The following NOC2L variants were observed in gnomAD, a reference collection of about 807,000 sequenced individuals.
NOC2L encodes nucleolar complex protein 2 homolog.
NOC2L carries 101 observed loss-of-function variants against 94.2 expected under a neutral mutation model. That is an observed-to-expected ratio of 1.07 (90% CI 0.91 to 1.26). NOC2L has a LOEUF of 1.26. Among genes scored for constraint, NOC2L ranks in the 50% most tolerant of loss-of-function variants. The pLI is 0.00. For synonymous variants in NOC2L, 531 were observed against 413.4 expected (o/e 1.28, Z -3.45); for missense variants, 1,076 against 980.1 (o/e 1.10, Z -1.31).
Position 944,238 on chromosome 1 carries a change from C to A in NOC2L, c.*456G>T. ...GGCCCTGCCTCCCACCGCTTTATTT[C>A]TTTCGGTTTCGGATGCAAAACAAAA... On this transcript the variant is annotated 3_prime_UTR_variant, in exon 19 of 19. Coordinates refer to ENST00000327044, the MANE Select transcript of NOC2L (RefSeq NM_015658.4). The A allele has an allele frequency of 6.9e-7, 1 of 1,455,576 alleles. No homozygotes were observed. The highest frequency in any genetic ancestry group is 9.0e-7 in the Non-Finnish European group (1 of 1,105,022). The allele number at this position is 1,455,576 out of a possible 1,614,324, so 90.2% of individuals were successfully genotyped here.
intron 17 of NOC2L, 54 bp downstream of exon 17, chr1:945,464 C>T: frequency 1.2e-6 from 2 of 1,601,904 alleles, no homozygotes; most frequent in Non-Finnish European, 1.7e-6. Flanking sequence ...TCTGGGAAGT[C>T]CAGCAGAGCC....
chr1:946,387 C>G lies in NOC2L; in HGVS notation c.1803+15G>C, dbSNP rs369208122. ...CAGGTGCCCTCAGGTGGCACTACCCCCAGGGCCCACTAACCACTGCCTGCT... is the reference window on the plus strand; with the variant it reads ...CAGGTGCCCTCAGGTGGCACTACCCGCAGGGCCCACTAACCACTGCCTGCT... On this transcript the variant is annotated intron_variant, in intron 15 of 18. Coordinates refer to ENST00000327044, the MANE Select transcript of NOC2L (RefSeq NM_015658.4). The G allele has an allele frequency of 1.2e-6, 2 of 1,613,410 alleles. No homozygotes were observed. The highest frequency in any genetic ancestry group is 1.3e-5 in the African/African-American group (1 of 74,932).
At chr1:957,596 C>T (rs868712742) in intron 2 of NOC2L, 2 of 329,684 alleles carry the variant, frequency 6.1e-6, no homozygotes, top group Admixed American at 4.3e-5. Context: ...GTGGCTTCAC[C>T]CTTCCAGAGG....
At chr1:953,313 T>C in intron 8 of NOC2L, 25 bp from the exon 9 acceptor site, 2 of 1,411,822 alleles carry the variant, frequency 1.4e-6, no homozygotes, top group East Asian at 2.3e-5. Context: ...ACGTCACTGG[T>C]GGCCCCCCAG....
rs898339210 is a variant in NOC2L at position 953,805 on chromosome 1, T to A, written c.865A>T (p.Lys289Ter). ...ACCTTGAGCAGCATGCGGCACTGCT[T>A]GGGGAAGGTCAGGAAGCAGGGCACC... is the stretch of plus-strand genomic sequence containing the variant. ...VLVPCFLTFPKQCRMLLKRMV... is the reference protein window; with the variant it reads ...VLVPCFLTFP Residue 289 changes from lysine (K) to a stop codon, truncating the protein, a stop_gained, in exon 8 of 19, where the codon AAG (lysine) becomes TAG (stop). Coordinates refer to ENST00000327044, the MANE Select transcript of NOC2L (RefSeq NM_015658.4). LOFTEE classifies it high-confidence loss of function. 1.9e-6 allele frequency: 3 copies of A among 1,612,450 alleles called. No homozygotes were observed. In the Admixed American group the frequency reaches 5.0e-5, roughly 27 times the overall value.
At chr1:945,980 T>C (rs1642096776) in intron 16 of NOC2L, among the ~76,000 whole-genome samples, 193 bp downstream of exon 16, 1 of 152,184 alleles carries the variant, frequency 6.6e-6, no homozygotes, top group African/African-American at 2.4e-5. Flanking sequence ...AGCCTGGGGC[T>C]TCCCCTCCCT....
intron 12 of NOC2L, among the ~76,000 whole-genome samples, chr1:950,121 G>C (rs753473972): frequency 6.6e-6 from 1 of 151,950 alleles, no homozygotes; most frequent in East Asian, 1.9e-4. Context: ...CACACACGTA[G>C]ACGCACGTAC....
At position 945,535 on chromosome 1, in the gene NOC2L, T is replaced by C. The variant is rs1479219472; in HGVS notation, c.2036A>G (p.Glu679Gly). Residue 679 changes from glutamate to glycine, a missense_variant, in exon 17 of 19, where the codon GAG becomes GGG. Around this residue, in one of 3 missense-constraint regions of NOC2L, gnomAD observed 615 missense variants for 577.4 expected, o/e 1.07. Coordinates refer to ENST00000327044, the MANE Select transcript of NOC2L (RefSeq NM_015658.4). ...GGCCCCACCTCTCTCCGAGAATCCC[T>C]CGGTGTCGTCCTCTTCAGAGCTGTT... ...DLNSSEEDDT[E>G]GFSERGILRP... 1.6e-5 allele frequency: 26 copies of C among 1,613,738 alleles called. No homozygotes were observed. The highest frequency in any genetic ancestry group is 2.2e-5 in the Non-Finnish European group (26 of 1,179,836).
chr1:952,493 C>A lies in NOC2L; in HGVS notation c.1110G>T (p.Pro370=). ...GGAAGGCGTGCTGGTAGGCCACACC[C>A]GGCTCCAGGGCCAGCAGCTCCGTCA... ...WTLTELLALE[P]GVAYQHAFLY... The change falls in exon 10 of 19, where the codon CCG becomes CCT. Residue 370 remains proline (P), a synonymous_variant. Transcript: ENST00000327044. 1 of 1,613,818 alleles carries A rather than the reference C, an allele frequency of 6.2e-7. No homozygotes were observed. The highest frequency in any genetic ancestry group is 8.5e-7 in the Non-Finnish European group (1 of 1,180,010).
intron 10 of NOC2L, 30 bp from the exon 11 acceptor site, chr1:952,169 G>A (rs771527366): frequency 6.2e-7 from 1 of 1,612,120 alleles, no homozygotes; most frequent in Non-Finnish European, 8.5e-7. Context: ...TCAGCTACTG[G>A]CCAGGCTGAC....
chr1:950,465 GCATACAGGTA>G (rs1490363179), intron 12 of NOC2L, among the ~76,000 whole-genome samples: 6 of 151,352 alleles, frequency 4.0e-5, no homozygotes, highest in Non-Finnish European at 7.4e-5. Flanking sequence ...GCATGTGCAT[GCATACAGGTA>G]CACACAGGTA....
chr1:945,788 A>C, intron 16 of NOC2L, 135 bp from the exon 17 acceptor site: 1 of 1,108,782 alleles, frequency 9.0e-7, no homozygotes, highest in Non-Finnish European at 1.3e-6. Context: ...CCAAATCACA[A>C]AGCCATCCTC....
At chr1:954,956 C>A (rs991866918) in intron 6 of NOC2L, among the ~76,000 whole-genome samples, 3 of 152,208 alleles carry the variant, frequency 2.0e-5, no homozygotes, top group Admixed American at 1.3e-4. Context: ...CCCAGAAAGG[C>A]CCCCCGTCCT....
intron 8 of NOC2L, 148 bp from the exon 9 acceptor site, chr1:953,436 C>T (rs538971845): frequency 3.0e-5 from 19 of 629,690 alleles, no homozygotes; most frequent in Non-Finnish European, 5.5e-5. Context: ...GTTAGGTGCT[C>T]AGTTACAGAA....
chr1:945,026 G>A (rs200536275), intron 18 of NOC2L, 31 bp downstream of exon 18: 12 of 1,613,794 alleles, frequency 7.4e-6, no homozygotes, highest in East Asian at 2.2e-5. Flanking sequence ...GGGCTCACAG[G>A]GCCACACCCT....
intron 14 of NOC2L, among the ~76,000 whole-genome samples, 183 bp downstream of exon 14, chr1:947,948 T>C (rs1557616598): frequency 6.6e-6 from 1 of 152,016 alleles, no homozygotes; most frequent in Non-Finnish European, 1.5e-5. Context: ...CCAAACCTCC[T>C]GAATGGCTTA....
Position 946,249 on chromosome 1 carries a change from G to T in NOC2L, c.1841C>A (p.Pro614His). The T allele has an allele frequency of 6.2e-7, 1 of 1,613,744 alleles. No individual in the cohort carries two copies. The highest frequency in any genetic ancestry group is 8.5e-7 in the Non-Finnish European group (1 of 1,179,846). ...CCAGTGGCTGTAGTACAAGGTCAGG[G>T]GTGTCCCCTCTTCCCGGGTCAGCTT... ...WEKLTREEGT[P>H]LTLYYSHWRK... The change falls in exon 16 of 19, where the codon CCC becomes CAC. Residue 614 changes from proline to histidine, a missense_variant. Physicochemically the swap from Pro to His is moderately conservative, Grantham distance 77 (BLOSUM62 -2). Transcript: ENST00000327044.
chr1:951,926 G>A, intron 11 of NOC2L, 74 bp downstream of exon 11: 2 of 1,523,720 alleles, frequency 1.3e-6, no homozygotes, highest in South Asian at 2.5e-5. Context: ...AACGCCAGAG[G>A]CACCGCCCAC....
Position 948,137 on chromosome 1 carries a change from G to C in NOC2L, c.1653C>G (p.Val551=). ...GTGTGGGCAGGACACACACCTGCAG[G>C]ACCACAGGCAGCACCAGCTCCGGGA... ...IGFPELVLPV[V]LQLKSFLREC... is the part of the protein sequence containing the mutation. Residue 551 remains valine (V), a synonymous_variant, in exon 14 of 19, where the codon GTC becomes GTG. Coordinates refer to ENST00000327044, the MANE Select transcript of NOC2L (RefSeq NM_015658.4). 1 of 1,585,260 alleles carries C rather than the reference G, an allele frequency of 6.3e-7. No individual in the cohort carries two copies. Among genetic ancestry groups the C allele is most frequent in the Non-Finnish European group, 8.6e-7 (1 of 1,166,632 alleles).
Sources: gnomAD v4.1 joint callset for allele counts (sites outside exome capture counted in the v4.1 genomes callset) on GRCh38, gnomAD v4.1.1 for gene constraint, gnomAD v4.1.1 regional missense constraint, MANE v1.5 for transcripts, NCBI Gene and HGNC (gene_info 2026-07-23, HGNC 2026-07-21) for gene names.